Variants in FAM78B observed in about 807,000 individuals in gnomAD.
The protein encoded by FAM78B is family with sequence similarity 78 member B.
Under a neutral mutation model 20.0 loss-of-function variants are expected in FAM78B, and 10 were observed. The observed-to-expected ratio is 0.50, with a 90% CI of 0.31 to 0.85. The LOEUF (loss-of-function observed/expected upper bound fraction) is 0.85. Ranked by LOEUF, FAM78B falls within the 40% of genes least tolerant of loss-of-function variation. The pLI is 0.05. For synonymous variants in FAM78B, 135 were observed against 132.8 expected, an observed-to-expected ratio of 1.02 and a Z score of -0.12; for missense variants, 283 against 345.0, an observed-to-expected ratio of 0.82 and a Z score of 1.42.
At chr1:166,086,435 G>T (rs1452755937) in intron 1 of FAM78B, among the ~76,000 whole-genome samples, 1 of 152,166 alleles carries the variant, frequency 6.6e-6, no homozygotes, top group Non-Finnish European at 1.5e-5. Flanking sequence ...GTGGGAAGAT[G>T]GAAGGGGCTT....
intron 1 of FAM78B, among the ~76,000 whole-genome samples, chr1:166,136,918 C>T (rs904986235): frequency 6.6e-6 from 1 of 152,200 alleles, no homozygotes; most frequent in African/African-American, 2.4e-5. Context: ...CTGACGTCTG[C>T]TAACTGAATG....
chr1:166,069,194 A>G (rs1247590526), downstream of FAM78B, among the ~76,000 whole-genome samples: 1 of 151,828 alleles, frequency 6.6e-6, no homozygotes, highest in Non-Finnish European at 1.5e-5. Flanking sequence ...TATGCTAGTA[A>G]TTATGCTATA....
intron 1 of FAM78B, among the ~76,000 whole-genome samples, chr1:166,144,488 G>A (rs1655387636): frequency 6.6e-6 from 1 of 152,164 alleles, no homozygotes. Flanking sequence ...GAAAGGATTA[G>A]CTCAACTCTG....
chr1:166,098,229 T>C (rs1344249728), intron 1 of FAM78B, among the ~76,000 whole-genome samples: 1 of 152,118 alleles, frequency 6.6e-6, no homozygotes, highest in East Asian at 1.9e-4. Context: ...ATCTGAACAA[T>C]GGCCTTCAAC....
At chr1:166,084,963 A>ATTT (rs1376921962) in intron 1 of FAM78B, among the ~76,000 whole-genome samples, 2 of 152,018 alleles carry the variant, frequency 1.3e-5, no homozygotes, top group African/African-American at 4.8e-5. Flanking sequence ...CTTTCTTCTT[A>ATTT]TTTTTTTCCC....
At chr1:166,083,136 A>C (rs987847703) in intron 1 of FAM78B, among the ~76,000 whole-genome samples, 3 of 152,190 alleles carry the variant, frequency 2.0e-5, no homozygotes, top group Admixed American at 1.3e-4. Context: ...TATTATAGGC[A>C]AACCTTAGTT....
chr1:166,084,616 G>A (rs1446515680), intron 1 of FAM78B, among the ~76,000 whole-genome samples: 2 of 152,176 alleles, frequency 1.3e-5, no homozygotes, highest in African/African-American at 4.8e-5. Context: ...ACACCACACT[G>A]TAAGGCTGTA....
At chr1:166,106,349 TAAAA>T (rs200794576) in intron 1 of FAM78B, among the ~76,000 whole-genome samples, 3 of 139,784 alleles carry the variant, frequency 2.1e-5, no homozygotes, top group African/African-American at 8.0e-5. Flanking sequence ...AAAACTTAAA[TAAAA>T]AAAAAAGAAA....
chr1:166,099,924 G>A (rs1653443953), intron 1 of FAM78B, among the ~76,000 whole-genome samples: 1 of 152,026 alleles, frequency 6.6e-6, no homozygotes. Flanking sequence ...GGAACAAACG[G>A]AATTAATAGA....
At chr1:166,074,694 T>C (rs1652197403) in intron 1 of FAM78B, among the ~76,000 whole-genome samples, 1 of 152,246 alleles carries the variant, frequency 6.6e-6, no homozygotes, top group Non-Finnish European at 1.5e-5. Context: ...TCATTTAGAA[T>C]CTATTATTAG....
At chr1:166,142,616 T>C (rs1024729660) in intron 1 of FAM78B, among the ~76,000 whole-genome samples, 3 of 152,248 alleles carry the variant, frequency 2.0e-5, no homozygotes, top group Non-Finnish European at 2.9e-5. Flanking sequence ...TCATTTTCAT[T>C]ACTTCAGGTT....
chr1:166,074,313 T>A lies in FAM78B; in HGVS notation c.264-3550A>T, dbSNP rs1652172194. Among the ~76,000 whole-genome samples, 4 of 152,302 alleles carry A rather than the reference T, an allele frequency of 2.6e-5. No individual in the cohort carries two copies. The South Asian group carries it at 8.3e-4, about 32-fold the overall frequency. On this transcript the variant is annotated intron_variant, in intron 1 of 1. Transcript: ENST00000354422. Reference sequence around the variant, plus strand: ...CTCCTCCTATTCAATTTCCACTGTATCGAACTACTACTCATCCTCTGAGAA... The same window carrying A: ...CTCCTCCTATTCAATTTCCACTGTAACGAACTACTACTCATCCTCTGAGAA...
At chr1:166,073,532 CTCTCTTTT>C (rs1405492210) in intron 1 of FAM78B, among the ~76,000 whole-genome samples, 16 of 131,266 alleles carry the variant, frequency 1.2e-4, no homozygotes, top group African/African-American at 5.1e-4. Flanking sequence ...CTTTCTCTTT[CTCTCTTTT>C]TTTTTTTTTT....
intron 1 of FAM78B, among the ~76,000 whole-genome samples, chr1:166,103,558 G>A (rs577991557): frequency 1.3e-5 from 2 of 152,318 alleles, no homozygotes; most frequent in South Asian, 4.1e-4. Context: ...ACTACTGTCA[G>A]AGAATACTAT....
chr1:166,152,766 C>G (rs1355366958), intron 1 of FAM78B, among the ~76,000 whole-genome samples: 1 of 152,024 alleles, frequency 6.6e-6, no homozygotes, highest in African/African-American at 2.4e-5. Flanking sequence ...CAACCTCCAC[C>G]TCCTGGGTTC....
chr1:166,061,224 G>A (rs7540985), intron 2 of FAM78B, among the ~76,000 whole-genome samples: 6,642 of 152,208 alleles, frequency 0.044, 466 homozygotes, highest in African/African-American at 0.15. Context: ...TAATAGTTGT[G>A]GCCATAACAA....
At chr1:166,125,816 T>C (rs983930805) in intron 1 of FAM78B, among the ~76,000 whole-genome samples, 3 of 151,300 alleles carry the variant, frequency 2.0e-5, no homozygotes, top group African/African-American at 4.9e-5. Context: ...CTGTTATTAT[T>C]GTATTGCTAC....
intron 1 of FAM78B, among the ~76,000 whole-genome samples, chr1:166,148,585 T>A (rs1183184893): frequency 3.9e-5 from 6 of 152,224 alleles, no homozygotes; most frequent in Admixed American, 6.5e-5. Flanking sequence ...AGGTGATGAA[T>A]CAATGATGAA....
chr1:166,085,201 A>G (rs1652775889), intron 1 of FAM78B, among the ~76,000 whole-genome samples: 1 of 152,168 alleles, frequency 6.6e-6, no homozygotes, highest in African/African-American at 2.4e-5. Context: ...GAACATCTGC[A>G]GTTTTAACTG....
Sources: allele counts gnomAD v4.1 joint callset (sites outside exome capture counted in the v4.1 genomes callset), GRCh38; gene constraint gnomAD v4.1.1; transcripts MANE v1.5; gene names NCBI Gene and HGNC (gene_info 2026-07-23, HGNC 2026-07-21).